Variants in PSD2 observed in about 807,000 individuals in gnomAD.
PSD2 encodes the protein pleckstrin and Sec7 domain containing 2.
In PSD2, 38 loss-of-function variants were observed where a neutral mutation model predicts 69.8. That is an observed-to-expected ratio of 0.54 (90% CI 0.42 to 0.71). The LOEUF (loss-of-function observed/expected upper bound fraction) is 0.71, where lower values mean the gene tolerates loss of function less well. Among genes scored for constraint, PSD2 ranks in the 30% least tolerant of loss-of-function variants. The pLI, the probability that PSD2 is intolerant of heterozygous loss-of-function variation, is 0.00. For missense variants in PSD2, 943 were observed against 1,014.5 expected (o/e 0.93, Z 0.96); for synonymous variants, 412 against 423.0 (o/e 0.97, Z 0.32).
chr5:139,781,748 G>A, the PSD2 span, among the ~76,000 whole-genome samples: 11 of 150,714 alleles, frequency 7.3e-5, no homozygotes, highest in East Asian at 2.0e-4. Flanking sequence ...ATTCTCCTGC[G>A]TCAGCCTCCT....
intron 7 of PSD2, among the ~76,000 whole-genome samples, chr5:139,833,419 A>G (rs1378687210): frequency 6.6e-6 from 1 of 152,174 alleles, no homozygotes; most frequent in Non-Finnish European, 1.5e-5. Context: ...GGAACATAGT[A>G]GGCACCTGGC....
chr5:139,766,831 CTTT>C, the PSD2 span, among the ~76,000 whole-genome samples: 1 of 32,324 alleles, frequency 3.1e-5, no homozygotes, highest in Non-Finnish European at 9.1e-5. Context: ...TCCCTTCCTT[CTTT>C]CTTTCTTTCT....
At chr5:139,807,760 G>T (rs1315434163) in intron 1 of PSD2, among the ~76,000 whole-genome samples, 1 of 152,106 alleles carries the variant, frequency 6.6e-6, no homozygotes, top group Non-Finnish European at 1.5e-5. Flanking sequence ...TCCCTCAAGG[G>T]CCCAGAATTC....
At chr5:139,774,877 G>T in the PSD2 span, among the ~76,000 whole-genome samples, 1 of 152,192 alleles carries the variant, frequency 6.6e-6, no homozygotes, top group Admixed American at 6.5e-5. Context: ...GGCCTGATTG[G>T]GTAGTGATGT....
the PSD2 span, among the ~76,000 whole-genome samples, chr5:139,764,130 ACAGT>A: frequency 1.3e-5 from 2 of 152,164 alleles, no homozygotes; most frequent in Non-Finnish European, 2.9e-5. Context: ...GGCTGAGCAC[ACAGT>A]CAGCGGGTGG....
chr5:139,806,628 T>C (rs546179345), intron 1 of PSD2, among the ~76,000 whole-genome samples: 2 of 152,244 alleles, frequency 1.3e-5, no homozygotes, highest in East Asian at 3.9e-4. Flanking sequence ...CCACTGGCCC[T>C]GGGGGAGAAC....
At chr5:139,809,185 C>G (rs1295579654) in intron 1 of PSD2, among the ~76,000 whole-genome samples, 1 of 152,140 alleles carries the variant, frequency 6.6e-6, no homozygotes, top group Non-Finnish European at 1.5e-5. Flanking sequence ...TGGCCAGGGT[C>G]AAGGGTGAGG....
the PSD2 span, among the ~76,000 whole-genome samples, chr5:139,776,301 A>T: frequency 2.6e-5 from 4 of 152,186 alleles, no homozygotes; most frequent in African/African-American, 9.6e-5. Flanking sequence ...CCCCTAAAAA[A>T]CCCAGCAGCC....
upstream of PSD2, among the ~76,000 whole-genome samples, chr5:139,791,468 A>C (rs1021462256): frequency 4.6e-5 from 7 of 152,184 alleles, no homozygotes; most frequent in African/African-American, 1.4e-4. Context: ...AACAAAAAGA[A>C]ACCCACTCAA....
chr5:139,779,475 T>C, the PSD2 span, among the ~76,000 whole-genome samples: 1 of 152,240 alleles, frequency 6.6e-6, no homozygotes, highest in African/African-American at 2.4e-5. Flanking sequence ...CAGCTATCAG[T>C]ACACTTTGAC....
At chr5:139,798,512 A>C (rs1759588876) in intron 1 of PSD2, among the ~76,000 whole-genome samples, 1 of 152,074 alleles carries the variant, frequency 6.6e-6, no homozygotes, top group South Asian at 2.1e-4. Flanking sequence ...CCCTCTTTGG[A>C]ACGTCTCCCT....
chr5:139,806,256 C>T (rs1759803712), intron 1 of PSD2, among the ~76,000 whole-genome samples: 1 of 152,246 alleles, frequency 6.6e-6, no homozygotes, highest in Non-Finnish European at 1.5e-5. Flanking sequence ...GCTGCACCCG[C>T]TCCCCTGCTC....
chr5:139,804,123 GTGTC>G (rs1581711018), intron 1 of PSD2, among the ~76,000 whole-genome samples: 1 of 152,194 alleles, frequency 6.6e-6, no homozygotes, highest in African/African-American at 2.4e-5. Flanking sequence ...TCTCTTTTAA[GTGTC>G]TGTGTGTGTC....
At chr5:139,797,543 G>C (rs1759561766) in intron 1 of PSD2, among the ~76,000 whole-genome samples, 1 of 152,244 alleles carries the variant, frequency 6.6e-6, no homozygotes, top group Non-Finnish European at 1.5e-5. Context: ...TCCACAAGCA[G>C]ACCTGACAAA....
chr5:139,789,253 G>T, the PSD2 span, among the ~76,000 whole-genome samples: 4 of 152,152 alleles, frequency 2.6e-5, no homozygotes, highest in African/African-American at 9.7e-5. Context: ...GAGTGTGCAG[G>T]GTCCTTGCGC....
At chr5:139,798,143 G>A (rs1191306364) in intron 1 of PSD2, among the ~76,000 whole-genome samples, 1 of 152,224 alleles carries the variant, frequency 6.6e-6, no homozygotes, top group Non-Finnish European at 1.5e-5. Flanking sequence ...CTCCAAACAG[G>A]AGGATACACT....
the PSD2 span, among the ~76,000 whole-genome samples, chr5:139,774,723 C>T: frequency 6.6e-6 from 1 of 152,152 alleles, no homozygotes; most frequent in Non-Finnish European, 1.5e-5. Context: ...AACTCCTGAC[C>T]TCGTGATCCG....
the PSD2 span, among the ~76,000 whole-genome samples, chr5:139,788,631 G>C: frequency 6.6e-6 from 1 of 152,198 alleles, no homozygotes; most frequent in Non-Finnish European, 1.5e-5. Flanking sequence ...GCCAGTTCCC[G>C]GGACTCTCCT....
chr5:139,780,241 G>A, the PSD2 span, among the ~76,000 whole-genome samples: 1 of 152,144 alleles, frequency 6.6e-6, no homozygotes, highest in Admixed American at 6.5e-5. Flanking sequence ...GCTGCACCTT[G>A]GTGGATACCA....
Sources: gnomAD v4.1 joint callset for allele counts (sites outside exome capture counted in the v4.1 genomes callset) on GRCh38, gnomAD v4.1.1 for gene constraint, MANE v1.5 for transcripts, NCBI Gene and HGNC (gene_info 2026-07-23, HGNC 2026-07-21) for gene names.